Variants in TRABD2B observed in about 807,000 individuals in gnomAD.
TRABD2B encodes the protein metalloprotease TIKI2.
Under a neutral mutation model 40.1 loss-of-function variants are expected in TRABD2B, and 14 were observed. The ratio of observed to expected loss-of-function variants is 0.35; its 90% CI spans 0.23 to 0.55. The LOEUF is 0.55. Ranked by LOEUF, TRABD2B falls within the 20% of genes least tolerant of loss-of-function variation. The pLI, the probability that TRABD2B is intolerant of heterozygous loss-of-function variation, is 0.90. For synonymous variants in TRABD2B, 263 were observed against 277.0 expected (o/e 0.95, Z 0.50); for missense variants, 541 against 648.6 (o/e 0.83, Z 1.80).
intron 2 of TRABD2B, among the ~76,000 whole-genome samples, chr1:47,817,630 G>A (rs1268792528): frequency 6.6e-6 from 1 of 152,144 alleles, no homozygotes; most frequent in African/African-American, 2.4e-5. Context: ...TCTGTCCCCA[G>A]GAGGCTTCAT....
chr1:47,954,547 A>G (rs1645391111), intron 2 of TRABD2B, among the ~76,000 whole-genome samples: 1 of 152,158 alleles, frequency 6.6e-6, no homozygotes, highest in Non-Finnish European at 1.5e-5. Context: ...AATAACTAAA[A>G]TGGTGCTTGG....
At chr1:47,983,377 G>A in intron 2 of TRABD2B, among the ~76,000 whole-genome samples, 1 of 152,052 alleles carries the variant, frequency 6.6e-6, no homozygotes. Context: ...GCTAACTACT[G>A]GGTACCGGGC....
chr1:47,907,453 G>C lies in TRABD2B; in HGVS notation c.666+86581C>G, dbSNP rs150790072. 2.8e-4 allele frequency among the ~76,000 whole-genome samples: 43 copies of C among 152,274 alleles called. No homozygotes were observed. In the Middle Eastern group the frequency reaches 0.02, roughly 72 times the overall value. On this transcript the variant is annotated intron_variant, in intron 2 of 6. Coordinates refer to ENST00000606738, the MANE Select transcript of TRABD2B (RefSeq NM_001194986.2). The stretch of plus-strand genomic sequence containing the variant: ...TCTATTCTGTACCCTGCACCTACCA[G>C]GTACCTTTCATGTTTCCTGTGTTCC...
At chr1:47,907,979 C>T (rs1342141998) in intron 2 of TRABD2B, among the ~76,000 whole-genome samples, 4 of 152,076 alleles carry the variant, frequency 2.6e-5, no homozygotes, top group Non-Finnish European at 4.4e-5. Context: ...CCAAATTTTC[C>T]GTATTTCTTT....
chr1:47,793,792 A>G (rs887185698), intron 4 of TRABD2B, among the ~76,000 whole-genome samples: 1 of 152,236 alleles, frequency 6.6e-6, no homozygotes, highest in Admixed American at 6.5e-5. Context: ...AGAAGGAAAC[A>G]AAGAGTGAGG....
At chr1:47,914,598 G>A (rs1329836952) in intron 2 of TRABD2B, among the ~76,000 whole-genome samples, 4 of 152,232 alleles carry the variant, frequency 2.6e-5, no homozygotes, top group Non-Finnish European at 4.4e-5. Context: ...TACACAAGGA[G>A]TGGCTTCCAA....
chr1:47,830,886 C>T (rs1043984116), intron 2 of TRABD2B, among the ~76,000 whole-genome samples: 4 of 152,034 alleles, frequency 2.6e-5, no homozygotes, highest in African/African-American at 4.8e-5. Flanking sequence ...CAGCTGAGCC[C>T]GAAGAATGTT....
At chr1:47,876,770 T>C (rs1406085837) in intron 2 of TRABD2B, among the ~76,000 whole-genome samples, 1 of 152,198 alleles carries the variant, frequency 6.6e-6, no homozygotes, top group East Asian at 1.9e-4. Context: ...CAGGCAGCAC[T>C]CCTTCATGTC....
In TRABD2B at chr1:47,893,656, G is replaced by A. The variant is rs74071805; in HGVS notation, c.667-92037C>T. On this transcript the variant is annotated intron_variant, in intron 2 of 6. Transcript: ENST00000606738. ...GAGCCCTTGTGTTTGATTTGACAAT[G>A]AGTACACTGCACAGGGAAGTTGCCA... Among the ~76,000 whole-genome samples, 770 of 152,342 alleles carry A rather than the reference G, an allele frequency of 5.1e-3. 1 individual carries two copies. Among genetic ancestry groups the A allele is most frequent in the African/African-American group, 0.018 (737 of 41,580 alleles).
chr1:47,924,429 G>A (rs572554286), intron 2 of TRABD2B, among the ~76,000 whole-genome samples: 2 of 152,226 alleles, frequency 1.3e-5, no homozygotes, highest in African/African-American at 4.8e-5. Context: ...CTCCTACCCC[G>A]GTACATGGTC....
intron 2 of TRABD2B, among the ~76,000 whole-genome samples, chr1:47,874,924 C>T (rs1644202302): frequency 6.6e-6 from 1 of 152,052 alleles, no homozygotes; most frequent in South Asian, 2.1e-4. Context: ...GGTCTTGAAA[C>T]AAGAAGTGGT....
chr1:47,792,154 G>A (rs1221676714), intron 4 of TRABD2B, among the ~76,000 whole-genome samples: 1 of 152,210 alleles, frequency 6.6e-6, no homozygotes, highest in African/African-American at 2.4e-5. Flanking sequence ...TTGGAGAGTG[G>A]ATTCATGAGA....
intron 2 of TRABD2B, among the ~76,000 whole-genome samples, chr1:47,806,744 G>A (rs1644897692): frequency 6.6e-6 from 1 of 152,216 alleles, no homozygotes; most frequent in Admixed American, 6.5e-5. Context: ...GTGGGAACAG[G>A]TTTATTGTTC....
At chr1:47,991,893 AT>A (rs1407088613) in intron 2 of TRABD2B, among the ~76,000 whole-genome samples, 1 of 152,126 alleles carries the variant, frequency 6.6e-6, no homozygotes, top group Non-Finnish European at 1.5e-5. Context: ...TGCATTTCTG[AT>A]TTTGAATTTT....
chr1:47,853,925 G>T (rs1643865207), intron 2 of TRABD2B, among the ~76,000 whole-genome samples: 1 of 152,180 alleles, frequency 6.6e-6, no homozygotes, highest in East Asian at 1.9e-4. Context: ...ACCTTGCAAT[G>T]GCTCCCACTG....
intron 2 of TRABD2B, among the ~76,000 whole-genome samples, chr1:47,882,699 T>C (rs1387733019): frequency 6.6e-6 from 1 of 152,112 alleles, no homozygotes; most frequent in Non-Finnish European, 1.5e-5. Flanking sequence ...GAGAGCTCTG[T>C]GAACGCTAAC....
chr1:47,841,349 C>G (rs1262591544), intron 2 of TRABD2B, among the ~76,000 whole-genome samples: 1 of 152,226 alleles, frequency 6.6e-6, no homozygotes, highest in African/African-American at 2.4e-5. Flanking sequence ...GATGTTGCAG[C>G]AACAAGATAA....
chr1:47,987,742 T>C (rs12239383), intron 2 of TRABD2B, among the ~76,000 whole-genome samples: 257 of 152,268 alleles, frequency 1.7e-3, no homozygotes, highest in African/African-American at 5.8e-3. Flanking sequence ...TGCCCAGGGG[T>C]CCCTGCTAGG....
rs1039945209 is a variant in TRABD2B, at chr1:47,778,471, G to A, written c.1062C>T (p.Ala354=). 21 of 1,536,056 alleles carry A rather than the reference G, an allele frequency of 1.4e-5. No homozygotes were observed. Among genetic ancestry groups the A allele is most frequent in the Non-Finnish European group, 1.7e-5 (20 of 1,146,840 alleles). ...QAGLEVDHTP[A]GQAIHSPAPQ... is the part of the protein sequence containing the mutation. ...TGGCTTACCTGTGTATGGCCTGCCCGGCGGGTGTGTGGTCCACCTCCAGCC... is the reference window on the plus strand; with the variant it reads ...TGGCTTACCTGTGTATGGCCTGCCCAGCGGGTGTGTGGTCCACCTCCAGCC... Residue 354 remains alanine, a synonymous_variant, in exon 5 of 7, where the codon GCC becomes GCT. Coordinates refer to ENST00000606738, the MANE Select transcript of TRABD2B (RefSeq NM_001194986.2).
Sources: gnomAD v4.1 joint callset for allele counts (sites outside exome capture counted in the v4.1 genomes callset) on GRCh38, gnomAD v4.1.1 for gene constraint, MANE v1.5 for transcripts, NCBI Gene and HGNC (gene_info 2026-07-23, HGNC 2026-07-21) for gene names.